Variants in DNAH7 observed in about 807,000 individuals in gnomAD.
DNAH7 encodes the protein axonemal beta dynein heavy chain 7.
Under a neutral mutation model 444.6 loss-of-function variants are expected in DNAH7, and 397 were observed. The observed-to-expected ratio is 0.89, with a 90% CI of 0.82 to 0.97. The LOEUF (loss-of-function observed/expected upper bound fraction) is 0.97, where lower values mean the gene tolerates loss of function less well. Among genes scored for constraint, DNAH7 ranks in the 50% least tolerant of loss-of-function variants. DNAH7 has a pLI of 0.00. For synonymous variants in DNAH7, 1,636 were observed against 1,624.4 expected, an observed-to-expected ratio of 1.01 and a Z score of -0.17; for missense variants, 4,902 against 4,800.8, an observed-to-expected ratio of 1.02 and a Z score of -0.62.
In DNAH7 at chr2:195,840,500, G is replaced by A. The variant is rs905163118; in HGVS notation, c.8945+4502C>T. On this transcript the variant is annotated intron_variant, in intron 47 of 64. Transcript: ENST00000312428. Reference sequence around the variant, plus strand: ...ATCATTATACTAGAAGCCCTTGTCAGTGCAATAAGCTAAGAAAAAGAAATA... The same window carrying A: ...ATCATTATACTAGAAGCCCTTGTCAATGCAATAAGCTAAGAAAAAGAAATA... Among the ~76,000 whole-genome samples, 4 of 151,604 alleles carry A rather than the reference G, an allele frequency of 2.6e-5. 1 individual carries two copies. The highest frequency in any genetic ancestry group is 9.7e-5 in the African/African-American group (4 of 41,360).
intron 17 of DNAH7, among the ~76,000 whole-genome samples, chr2:195,962,630 G>A (rs1465508639): frequency 6.6e-6 from 1 of 152,194 alleles, no homozygotes; most frequent in African/African-American, 2.4e-5. Context: ...GATTAGAGGT[G>A]TGAGCCACTG....
intron 17 of DNAH7, among the ~76,000 whole-genome samples, chr2:195,965,259 A>T (rs1691397832): frequency 6.6e-6 from 1 of 152,168 alleles, no homozygotes; most frequent in Non-Finnish European, 1.5e-5. Flanking sequence ...TCTTTATATG[A>T]TGCATCAAAT....
In DNAH7 at chr2:195,777,910, G is replaced by C. The variant is rs780677789; in HGVS notation, c.10954C>G (p.Arg3652Gly). 1 of 1,614,114 alleles carries C rather than the reference G, an allele frequency of 6.2e-7. No individual in the cohort carries two copies. Among genetic ancestry groups the C allele is most frequent in the South Asian group, 1.1e-5 (1 of 91,072 alleles). The change falls in exon 59 of 65, where the codon CGG becomes GGG. Residue 3652 changes from arginine (R) to glycine (G), a missense_variant. Coordinates refer to ENST00000312428, the MANE Select transcript of DNAH7 (RefSeq NM_018897.3). ...TTTAGAATGCTGCGCAGCGTGCGCCGGTCCCAGTCATCGGTCACTCTGCCT... is the reference window on the plus strand; with the variant it reads ...TTTAGAATGCTGCGCAGCGTGCGCCCGTCCCAGTCATCGGTCACTCTGCCT... ...YGGRVTDDWD[R>G]RTLRSILNKF...
At chr2:195,911,188 A>G (rs924229732) in intron 24 of DNAH7, among the ~76,000 whole-genome samples, 1 of 152,214 alleles carries the variant, frequency 6.6e-6, no homozygotes. Context: ...CCTACTCTCT[A>G]TGGTATCCTG....
At chr2:196,036,067 T>C (rs542113367) in intron 5 of DNAH7, among the ~76,000 whole-genome samples, 1 of 151,280 alleles carries the variant, frequency 6.6e-6, no homozygotes, top group African/African-American at 2.4e-5. Flanking sequence ...GTTTCACTCT[T>C]GTTGCCCAGG....
At chr2:195,833,499 T>C (rs1698170880) in intron 48 of DNAH7, among the ~76,000 whole-genome samples, 1 of 152,212 alleles carries the variant, frequency 6.6e-6, no homozygotes, top group Non-Finnish European at 1.5e-5. Context: ...TGGAGCTAAA[T>C]AGATTGTAGT....
Position 195,963,970 on chromosome 2 carries a change from G to A in DNAH7, c.2206-3025C>T, listed in dbSNP as rs543901679. On this transcript the variant is annotated intron_variant, in intron 17 of 64. Coordinates refer to ENST00000312428, the MANE Select transcript of DNAH7 (RefSeq NM_018897.3). The stretch of plus-strand genomic sequence containing the variant: ...TCCATTCTGTTCCATTGGTCTATGC[G>A]TCTGTTTTTCTGCCAGTACCATGCT... Among the ~76,000 whole-genome samples, 19 of 152,182 alleles carry A rather than the reference G, an allele frequency of 1.2e-4. No individual in the cohort carries two copies. The South Asian group carries it at 1.7e-3, about 13-fold the overall frequency.
chr2:195,817,823 A>G lies in DNAH7; in HGVS notation c.9298T>C (p.Leu3100=). 1.9e-6 allele frequency: 3 copies of G among 1,577,024 alleles called. No individual in the cohort carries two copies. In the South Asian group the frequency reaches 3.6e-5, roughly 19 times the overall value. The change falls in exon 50 of 65, where the codon TTA becomes CTA. Residue 3100 remains leucine (L), a synonymous_variant. Coordinates refer to ENST00000312428, the MANE Select transcript of DNAH7 (RefSeq NM_018897.3). The part of the protein sequence containing the change: ...YLPETSVKVT[L]LNFMITPEGM... ...TCAGGGGTTATCATGAAGTTTAATAATGTTACCTATAAATGAAAAAATATA... is the reference window on the plus strand; with the variant it reads ...TCAGGGGTTATCATGAAGTTTAATAGTGTTACCTATAAATGAAAAAATATA...
intron 10 of DNAH7, among the ~76,000 whole-genome samples, chr2:196,007,214 G>C (rs865964262): frequency 2.0e-5 from 3 of 152,182 alleles, no homozygotes; most frequent in Middle Eastern, 3.4e-3. Flanking sequence ...AAACGGTTTG[G>C]TACTGGCATA....
intron 36 of DNAH7, among the ~76,000 whole-genome samples, chr2:195,880,757 T>C (rs1701330200): frequency 1.3e-5 from 2 of 152,290 alleles, no homozygotes; most frequent in Middle Eastern, 3.4e-3. Flanking sequence ...AATAATGAAA[T>C]TGAAAAATAT....
At chr2:195,959,157 G>A (rs1303134735) in intron 18 of DNAH7, among the ~76,000 whole-genome samples, 1 of 152,058 alleles carries the variant, frequency 6.6e-6, no homozygotes, top group Non-Finnish European at 1.5e-5. Flanking sequence ...TCATTTAAGT[G>A]GTGCTCTGTG....
chr2:195,839,714 AT>A (rs1040550642), intron 47 of DNAH7, among the ~76,000 whole-genome samples: 1 of 151,748 alleles, frequency 6.6e-6, no homozygotes, highest in African/African-American at 2.4e-5. Flanking sequence ...TTAAATAAAT[AT>A]TAAGGAAATA....
intron 61 of DNAH7, among the ~76,000 whole-genome samples, chr2:195,764,211 T>C (rs1694470373): frequency 6.6e-6 from 1 of 151,776 alleles, no homozygotes. Flanking sequence ...AAAAAAACTT[T>C]AAAAACTGGG....
rs577832894 is a variant in DNAH7 at position 195,878,385 on chromosome 2, T to C, written c.5962-1686A>G. On this transcript the variant is annotated intron_variant, in intron 36 of 64. Transcript: ENST00000312428. The stretch of plus-strand genomic sequence containing the variant: ...ACTTTGGGAGGCCAAGTCAGGAGGA[T>C]TGCTTGAGCCCAGGAGTTGGAGATC... Among the ~76,000 whole-genome samples, 214 of 152,248 alleles carry C rather than the reference T, an allele frequency of 1.4e-3. 1 individual carries two copies. The highest frequency in any genetic ancestry group is 5.1e-3 in the African/African-American group (210 of 41,538).
chr2:195,934,605 T>C lies in DNAH7; in HGVS notation c.3457A>G (p.Asn1153Asp). The C allele has an allele frequency of 6.2e-7, 1 of 1,614,078 alleles. No homozygotes were observed. The highest frequency in any genetic ancestry group is 8.5e-7 in the Non-Finnish European group (1 of 1,179,964). The change falls in exon 21 of 65, where the codon AAC (asparagine) becomes GAC (aspartate). Residue 1153 changes from asparagine to aspartate, a missense_variant. Physicochemically the swap from Asn to Asp is conservative, Grantham distance 23. Coordinates refer to ENST00000312428, the MANE Select transcript of DNAH7 (RefSeq NM_018897.3). ...TAATCAGCTACCTTGTGGATGGAGT[T>C]AATCATAACTCTCTCTAATTCAACC... Reference protein sequence around the residue: ...WLVELERVMINSIHKVTGDAT... With the variant: ...WLVELERVMIDSIHKVTGDAT...
At chr2:195,740,046 C>T (rs62203619) in intron 64 of DNAH7, among the ~76,000 whole-genome samples, 13,839 of 152,086 alleles carry the variant, frequency 0.091, 701 homozygotes, top group African/African-American at 0.13. Context: ...TGCAATGGTG[C>T]GATCTAAGCT....
chr2:195,905,721 A>G (rs1686972758), intron 27 of DNAH7: 1 of 152,056 alleles, frequency 6.6e-6, no homozygotes, highest in South Asian at 2.1e-4. Context: ...TAATAATCAA[A>G]GAAAATGGTG....
intron 15 of DNAH7, among the ~76,000 whole-genome samples, chr2:195,973,068 A>C (rs2125580339): frequency 6.6e-6 from 1 of 152,288 alleles, no homozygotes. Flanking sequence ...GGAATGAAAC[A>C]AGTGGAGAGG....
At chr2:195,803,536 C>T (rs918167392) in intron 54 of DNAH7, among the ~76,000 whole-genome samples, 1 of 152,212 alleles carries the variant, frequency 6.6e-6, no homozygotes, top group African/African-American at 2.4e-5. Flanking sequence ...TGCAAGGCAA[C>T]AGAATTGGGT....
Sources: allele counts gnomAD v4.1 joint callset (sites outside exome capture counted in the v4.1 genomes callset), GRCh38; gene constraint gnomAD v4.1.1; transcripts MANE v1.5; gene names NCBI Gene and HGNC (gene_info 2026-07-23, HGNC 2026-07-21).